TMTC4: variants seen among roughly 807,000 people sequenced by gnomAD.
TMTC4 encodes the protein protein O-mannosyl-transferase TMTC4.
Under a neutral mutation model 86.0 loss-of-function variants are expected in TMTC4, and 65 were observed. The ratio of observed to expected loss-of-function variants is 0.76; its 90% CI spans 0.62 to 0.93. TMTC4 has a LOEUF of 0.93. Ranked by LOEUF, TMTC4 falls within the 40% of genes least tolerant of loss-of-function variation. The pLI, the probability that TMTC4 is intolerant of heterozygous loss-of-function variation, is 0.00. For missense variants in TMTC4, 866 were observed against 948.1 expected, an observed-to-expected ratio of 0.91 and a Z score of 1.14; for synonymous variants, 379 against 382.5, an observed-to-expected ratio of 0.99 and a Z score of 0.11.
chr13:100,619,199 C>T (rs377094586), intron 15 of TMTC4, among the ~76,000 whole-genome samples: 5 of 151,302 alleles, frequency 3.3e-5, no homozygotes, highest in Admixed American at 6.6e-5. Flanking sequence ...CTGGATGGGG[C>T]GGCCGGCCGG....
At chr13:100,667,524 A>G (rs935408883) in intron 3 of TMTC4, among the ~76,000 whole-genome samples, 1 of 152,222 alleles carries the variant, frequency 6.6e-6, no homozygotes, top group African/African-American at 2.4e-5. Context: ...TATCACAAAT[A>G]AAATATATGC....
intron 3 of TMTC4, chr13:100,668,329 C>A: frequency 2.1e-6 from 1 of 481,036 alleles, no homozygotes; most frequent in Admixed American, 3.6e-5. Flanking sequence ...CCTCTTTGAT[C>A]CATATGTGGA....
chr13:100,669,640 C>T (rs1385740544), intron 2 of TMTC4, among the ~76,000 whole-genome samples: 3 of 152,158 alleles, frequency 2.0e-5, no homozygotes, highest in Admixed American at 6.5e-5. Flanking sequence ...CTGTGCACAA[C>T]CCCTTTCCTC....
In TMTC4 at chr13:100,674,787, G is replaced by A. The variant is rs1312670838; in HGVS notation, c.-251C>T. 9 of 983,660 alleles carry A rather than the reference G, an allele frequency of 9.1e-6. No individual in the cohort carries two copies. The highest frequency in any genetic ancestry group is 9.6e-6 in the Non-Finnish European group (8 of 829,258). The allele number at this position is 983,660 out of a possible 1,614,324, so 60.9% of individuals were successfully genotyped here. A position where few individuals can be genotyped will look rare whatever the true frequency, so the allele number is the denominator to read the frequency against. Reference sequence around the variant, plus strand: ...CCGGCCGCATCTCCCTCCCGGGTGCGGAAACTCTGGCGGCTCCAGGCACCC... The same window carrying A: ...CCGGCCGCATCTCCCTCCCGGGTGCAGAAACTCTGGCGGCTCCAGGCACCC... On this transcript the variant is annotated 5_prime_UTR_variant, in exon 1 of 19. Transcript: ENST00000342624.
intron 6 of TMTC4, among the ~76,000 whole-genome samples, chr13:100,652,270 G>A (rs1220320189): frequency 6.6e-6 from 1 of 152,220 alleles, no homozygotes; most frequent in Non-Finnish European, 1.5e-5. Flanking sequence ...CTTGAGGTCA[G>A]GAGTTCAAGA....
At chr13:100,637,489 T>A in intron 9 of TMTC4, 49 bp downstream of exon 9, 1 of 1,564,454 alleles carries the variant, frequency 6.4e-7, no homozygotes, top group Non-Finnish European at 8.7e-7. Context: ...GATCTGGGAA[T>A]CTGGTGGGGG....
chr13:100,639,949 A>AAAAATAAAAT (rs528284384), intron 7 of TMTC4, among the ~76,000 whole-genome samples: 42 of 152,020 alleles, frequency 2.8e-4, no homozygotes, highest in Non-Finnish European at 6.0e-4. Context: ...GAATAAAAAT[A>AAAAATAAAAT]AAAATAAAAT....
At position 100,670,542 on chromosome 13, in the gene TMTC4, TA is replaced by T. The variant is rs1886955420; in HGVS notation, c.-181del. Reference sequence around the variant, plus strand: ...CTACTTTTCTTTTCCAGTCAAAGGATAAACCACTTCTCGAATCTAAATTACA... The same window carrying T: ...CTACTTTTCTTTTCCAGTCAAAGGATAACCACTTCTCGAATCTAAATTACA... On this transcript the variant is annotated 5_prime_UTR_variant, in exon 2 of 19. Transcript: ENST00000342624. 1 of 559,776 alleles carries T rather than the reference TA, an allele frequency of 1.8e-6. No individual in the cohort carries two copies. Among genetic ancestry groups the T allele is most frequent in the Non-Finnish European group, 3.0e-6 (1 of 328,388 alleles). 34.7% of individuals were successfully genotyped at this position (559,776 alleles called of 1,614,324 possible).
Position 100,604,765 on chromosome 13 carries a change from G to T in TMTC4, c.*229C>A. ...TAAAAAAGACATTTTTGGAATTTTA[G>T]AATTACATTTGAGTTGTCTGAAAAA... On this transcript the variant is annotated 3_prime_UTR_variant, in exon 19 of 19. Coordinates refer to ENST00000342624, the MANE Select transcript of TMTC4 (RefSeq NM_032813.5). 2.5e-6 allele frequency: 1 copy of T among 405,924 alleles called. No individual in the cohort carries two copies. The highest frequency in any genetic ancestry group is 4.1e-6 in the Non-Finnish European group (1 of 243,228). The allele number at this position is 405,924 out of a possible 1,614,324, so 25.1% of individuals were successfully genotyped here.
In TMTC4 at chr13:100,626,071, C is replaced by T; in HGVS notation, c.1586G>A (p.Arg529Lys). 1 of 1,614,188 alleles carries T rather than the reference C, an allele frequency of 6.2e-7. No homozygotes were observed. The highest frequency in any genetic ancestry group is 1.3e-5 in the African/African-American group (1 of 75,042). Residue 529 changes from arginine to lysine, a missense_variant and splice_region_variant, in exon 13 of 19, where the codon AGA becomes AAA. Coordinates refer to ENST00000342624, the MANE Select transcript of TMTC4 (RefSeq NM_032813.5). ...CTTCTGTAAGACATACTCGCCATAC[C>T]TTACAGCTTCCCGGTAGTATCTGAT... ...AAIRYYREAV[R>K]LNPKYVHAMN...
rs189654202 is a variant in TMTC4, at chr13:100,634,625, G to A, written c.1506+180C>T. Among the ~76,000 whole-genome samples the A allele has an allele frequency of 1.6e-4, 25 of 151,868 alleles. 1 individual carries two copies. In the East Asian group the frequency reaches 3.1e-3, roughly 19 times the overall value. On this transcript the variant is annotated intron_variant, in intron 12 of 18. Transcript: ENST00000342624. ...GACTTCTTTTCAATTTTGGCTGAGT[G>A]GAATTTTAATGAATCTTATCAAAAT... is the stretch of plus-strand genomic sequence containing the variant.
chr13:100,612,416 C>T lies in TMTC4; in HGVS notation c.2046G>A (p.Gly682=), dbSNP rs777427587. ...SLMFSLANVL[G]KSQKYKESEA... ...TACGCACCTTGTATTTCTGGGATTT[C>T]CCCAGCACGTTTGCCAACGAGAACA... Residue 682 remains glycine (G), a synonymous_variant, in exon 17 of 19, where the codon GGG becomes GGA. Transcript: ENST00000342624. 22 of 1,609,554 alleles carry T rather than the reference C, an allele frequency of 1.4e-5. No individual in the cohort carries two copies. Among genetic ancestry groups the T allele is most frequent in the Non-Finnish European group, 1.9e-5 (22 of 1,178,628 alleles).
At position 100,604,846 on chromosome 13, in the gene TMTC4, T is replaced by C; in HGVS notation, c.*148A>G. ...ATTCAAGAGTATATTGCTGGTGCTA[T>C]AATCTTTTTGCATGTCTTTGTTTTC... On this transcript the variant is annotated 3_prime_UTR_variant, in exon 19 of 19. Coordinates refer to ENST00000342624, the MANE Select transcript of TMTC4 (RefSeq NM_032813.5). The C allele has an allele frequency of 1.2e-6, 1 of 842,926 alleles. No homozygotes were observed. The allele number at this position is 842,926 out of a possible 1,614,324, so 52.2% of individuals were successfully genotyped here.
chr13:100,656,109 A>C (rs1365133487), intron 6 of TMTC4, among the ~76,000 whole-genome samples: 1 of 152,228 alleles, frequency 6.6e-6, no homozygotes, highest in African/African-American at 2.4e-5. Context: ...TAAAATGGCA[A>C]AACTCAATCC....
At chr13:100,619,312 A>G (rs1237969624) in intron 15 of TMTC4, among the ~76,000 whole-genome samples, 2 of 144,060 alleles carry the variant, frequency 1.4e-5, no homozygotes, top group Non-Finnish European at 3.0e-5. Context: ...CTCAATTTGC[A>G]TAGTTAATAA....
In TMTC4 at chr13:100,632,051, ACACTCTCTCT is replaced by A. The variant is rs1210512927; in HGVS notation, c.1506+2744_1506+2753del. On this transcript the variant is annotated intron_variant, in intron 12 of 18. Transcript: ENST00000342624. ...CACACACACACACACACACACACAC[ACACTCTCTCT>A]CTCTCTCTCTCTCTCTCTCTCTCTC... Among the ~76,000 whole-genome samples the A allele has an allele frequency of 7.9e-3, 225 of 28,570 alleles. 1 individual carries two copies. Among genetic ancestry groups the A allele is most frequent in the Middle Eastern group, 0.019 (1 of 54 alleles). 18.7% of individuals were successfully genotyped at this position (28,570 alleles called of 152,430 possible).
chr13:100,619,819 G>C (rs903754740), intron 15 of TMTC4, among the ~76,000 whole-genome samples: 1 of 152,182 alleles, frequency 6.6e-6, no homozygotes, highest in Non-Finnish European at 1.5e-5. Flanking sequence ...TGATTCCTCA[G>C]ATCAATTCAC....
At chr13:100,616,107 G>A (rs534501466) in intron 15 of TMTC4, among the ~76,000 whole-genome samples, 1 of 151,652 alleles carries the variant, frequency 6.6e-6, no homozygotes, top group South Asian at 2.1e-4. Context: ...TGGTGTATAT[G>A]TACCACATTT....
At chr13:100,623,568 C>G (rs1453351664) in intron 15 of TMTC4, among the ~76,000 whole-genome samples, 2 of 151,486 alleles carry the variant, frequency 1.3e-5, no homozygotes, top group East Asian at 3.9e-4. Context: ...CTCTATAGAG[C>G]CCTTGATTCC....
Sources: allele counts gnomAD v4.1 joint callset (sites outside exome capture counted in the v4.1 genomes callset), GRCh38; gene constraint gnomAD v4.1.1; transcripts MANE v1.5; gene names NCBI Gene and HGNC (gene_info 2026-07-23, HGNC 2026-07-21).